BMPER: variants seen among roughly 807,000 people sequenced by gnomAD.
The protein encoded by BMPER is BMP binding endothelial regulator, also known as BMP-binding endothelial regulator protein.
A neutral mutation model predicts 87.3 loss-of-function variants in BMPER; 45 were observed. The observed-to-expected ratio is 0.52, with a 90% CI of 0.41 to 0.66. BMPER has a LOEUF of 0.66. BMPER is among the 30% of genes least tolerant of loss of function. The pLI is 0.00. For synonymous variants in BMPER, 326 were observed against 316.2 expected, an observed-to-expected ratio of 1.03 and a Z score of -0.33; for missense variants, 784 against 867.5, an observed-to-expected ratio of 0.90 and a Z score of 1.21.
intron 3 of BMPER, among the ~76,000 whole-genome samples, chr7:33,949,776 GA>G (rs1279729437): frequency 6.6e-6 from 1 of 151,776 alleles, no homozygotes; most frequent in South Asian, 2.1e-4. Context: ...TTCAAGACAA[GA>G]AAAAAACAAG....
intron 13 of BMPER, among the ~76,000 whole-genome samples, chr7:34,120,598 G>A (rs960658631): frequency 5.3e-5 from 8 of 152,054 alleles, no homozygotes; most frequent in Admixed American, 5.2e-4. Flanking sequence ...AGGTTTCTCC[G>A]TATTGGTCAG....
Position 33,970,559 on chromosome 7 carries a change from A to T in BMPER, c.493+140A>T. 4.5e-6 allele frequency: 4 copies of T among 893,436 alleles called. No individual in the cohort carries two copies. The Admixed American group carries it at 7.8e-5, about 17-fold the overall frequency. The allele number at this position is 893,436 out of a possible 1,614,324, so 55.3% of individuals were successfully genotyped here. On this transcript the variant is annotated intron_variant, in intron 5 of 14. Transcript: ENST00000649409. ...GGGTTTAGAGAGCGAGCTCCTTTGC[A>T]TAGAAATATCCGCTTGGCTGCCTCG...
At chr7:34,146,797 GA>G (rs1562772543) in intron 14 of BMPER, among the ~76,000 whole-genome samples, 1 of 151,684 alleles carries the variant, frequency 6.6e-6, no homozygotes, top group Non-Finnish European at 1.5e-5. Flanking sequence ...GAGCACTGTG[GA>G]AAAAAAAGAA....
intron 6 of BMPER, among the ~76,000 whole-genome samples, chr7:34,000,566 GTC>G (rs1403568287): frequency 6.6e-6 from 1 of 151,968 alleles, no homozygotes; most frequent in Admixed American, 6.6e-5. Flanking sequence ...TCAGGAAAAA[GTC>G]TCTCTCTCTT....
At chr7:33,921,699 C>T (rs549885046) in intron 2 of BMPER, 88 of 470,452 alleles carry the variant, frequency 1.9e-4, no homozygotes, top group Admixed American at 1.2e-3. Context: ...GGGATACGCT[C>T]TGTTTCCTGT....
At chr7:34,131,715 T>C (rs1049516318) in intron 13 of BMPER, among the ~76,000 whole-genome samples, 1 of 152,174 alleles carries the variant, frequency 6.6e-6, no homozygotes, top group Non-Finnish European at 1.5e-5. Context: ...GAGGTGGCCA[T>C]GGCCAACACA....
chr7:34,041,849 AAG>A (rs1198679329), intron 6 of BMPER, among the ~76,000 whole-genome samples: 1 of 152,116 alleles, frequency 6.6e-6, no homozygotes, highest in African/African-American at 2.4e-5. Context: ...TAGAATGTGG[AAG>A]AGTGTAGCTG....
chr7:34,089,180 T>G (rs1444133781), intron 13 of BMPER, among the ~76,000 whole-genome samples: 1 of 152,164 alleles, frequency 6.6e-6, no homozygotes, highest in Non-Finnish European at 1.5e-5. Context: ...AAAATTTATT[T>G]TATTTTCCCC....
intron 11 of BMPER, among the ~76,000 whole-genome samples, chr7:34,064,403 T>G: frequency 6.6e-6 from 1 of 152,208 alleles, no homozygotes; most frequent in East Asian, 1.9e-4. Context: ...AAATCTACAT[T>G]ATATTATCAG....
chr7:33,950,517 T>G (rs959847541), intron 3 of BMPER, among the ~76,000 whole-genome samples: 4 of 152,164 alleles, frequency 2.6e-5, no homozygotes, highest in African/African-American at 9.7e-5. Flanking sequence ...CATCTGAGGC[T>G]CAGGGCCCTC....
intron 6 of BMPER, among the ~76,000 whole-genome samples, chr7:34,003,143 T>C (rs1448592829): frequency 6.6e-6 from 1 of 151,826 alleles, no homozygotes; most frequent in Admixed American, 6.6e-5. Context: ...TAGTATACTA[T>C]TTTAATTCTA....
intron 13 of BMPER, among the ~76,000 whole-genome samples, chr7:34,086,605 T>G (rs1010359754): frequency 2.0e-5 from 3 of 152,190 alleles, no homozygotes; most frequent in African/African-American, 7.2e-5. Flanking sequence ...TGAGAATTAT[T>G]TGGATCTTGG....
chr7:34,045,492 A>C (rs1343775822), intron 6 of BMPER, among the ~76,000 whole-genome samples: 1 of 152,150 alleles, frequency 6.6e-6, no homozygotes, highest in African/African-American at 2.4e-5. Flanking sequence ...GGAGGTATGG[A>C]GTGCTGGAGA....
chr7:33,958,129 G>C (rs925915033), intron 3 of BMPER, among the ~76,000 whole-genome samples: 1 of 152,104 alleles, frequency 6.6e-6, no homozygotes, highest in African/African-American at 2.4e-5. Context: ...ATGCACCCCA[G>C]ACTAGAAACA....
At chr7:33,929,132 G>A (rs368793677) in intron 2 of BMPER, among the ~76,000 whole-genome samples, 1 of 152,144 alleles carries the variant, frequency 6.6e-6, no homozygotes, top group Non-Finnish European at 1.5e-5. Flanking sequence ...ACTGTGAGCT[G>A]GGCCGGAGGA....
chr7:33,923,684 G>T (rs1395896470), intron 2 of BMPER, among the ~76,000 whole-genome samples: 2 of 152,186 alleles, frequency 1.3e-5, no homozygotes, highest in Non-Finnish European at 2.9e-5. Context: ...TTAATGTAAT[G>T]ACCGCAGCCA....
chr7:34,091,666 T>C (rs763004255), intron 13 of BMPER, among the ~76,000 whole-genome samples: 1 of 152,220 alleles, frequency 6.6e-6, no homozygotes, highest in Admixed American at 6.5e-5. Flanking sequence ...ACTTTCTACA[T>C]TGATTTAACC....
chr7:34,008,194 C>G (rs1048284531), intron 6 of BMPER, among the ~76,000 whole-genome samples: 2 of 151,852 alleles, frequency 1.3e-5, no homozygotes, highest in African/African-American at 2.4e-5. Context: ...ATATGTATTT[C>G]CACTTTTGTG....
intron 6 of BMPER, among the ~76,000 whole-genome samples, chr7:34,032,350 T>A (rs1333054046): frequency 2.0e-5 from 3 of 152,070 alleles, no homozygotes; most frequent in Non-Finnish European, 4.4e-5. Flanking sequence ...TCTCGTGTCA[T>A]CAGGAAGTAG....
Sources: gnomAD v4.1 joint callset for allele counts (sites outside exome capture counted in the v4.1 genomes callset) on GRCh38, gnomAD v4.1.1 for gene constraint, MANE v1.5 for transcripts, NCBI Gene and HGNC (gene_info 2026-07-23, HGNC 2026-07-21) for gene names.